Variants in RUNX3 observed in about 807,000 individuals in gnomAD.
The protein encoded by RUNX3 is RUNX family transcription factor 3, also known as runt-related transcription factor 3.
RUNX3 carries 10 observed loss-of-function variants against 27.7 expected under a neutral mutation model. That is an observed-to-expected ratio of 0.36 (90% CI 0.22 to 0.61). The LOEUF (loss-of-function observed/expected upper bound fraction) is 0.61. RUNX3 is among the 20% of genes least tolerant of loss of function. RUNX3 has a pLI of 0.72. For synonymous variants in RUNX3, 270 were observed against 269.2 expected, an observed-to-expected ratio of 1.00 and a Z score of -0.03; for missense variants, 469 against 629.5, an observed-to-expected ratio of 0.75 and a Z score of 2.73.
chr1:24,955,890 A>C (rs1257882481), intron 2 of RUNX3, among the ~76,000 whole-genome samples: 1 of 152,248 alleles, frequency 6.6e-6, no homozygotes, highest in Non-Finnish European at 1.5e-5. Flanking sequence ...GCTTGCATGC[A>C]GTAGATGCTC....
Position 24,900,086 on chromosome 1 carries a change from G to T in RUNX3, c.*2036C>A. The T allele has an allele frequency of 6.6e-6, 1 of 152,406 alleles. No homozygotes were observed. 9.4% of individuals were successfully genotyped at this position (152,406 alleles called of 1,614,324 possible). A position where few individuals can be genotyped will look rare whatever the true frequency, so the allele number is the denominator to read the frequency against. ...CCAAAGGTGCCTCCCACGCTGACCTGGGACCAGCTATAACCAGAGAACAGG... is the reference window on the plus strand; with the variant it reads ...CCAAAGGTGCCTCCCACGCTGACCTTGGACCAGCTATAACCAGAGAACAGG... On this transcript the variant is annotated 3_prime_UTR_variant, in exon 5 of 5. Transcript: ENST00000308873.
At chr1:24,936,406 A>T (rs183555687) in intron 2 of RUNX3, among the ~76,000 whole-genome samples, 33 of 152,096 alleles carry the variant, frequency 2.2e-4, no homozygotes, top group African/African-American at 7.7e-4. Context: ...ACTACACTCT[A>T]CTCTTGTGGA....
chr1:24,907,056 G>T (rs1446148177), intron 4 of RUNX3, among the ~76,000 whole-genome samples: 1 of 152,228 alleles, frequency 6.6e-6, no homozygotes, highest in Non-Finnish European at 1.5e-5. Context: ...GTCAGTGTTT[G>T]CTGAGTGAAC....
At position 24,926,002 on chromosome 1, in the gene RUNX3, G is replaced by A. The variant is rs181201406; in HGVS notation, c.439+1572C>T. ...GGTCTCGGTAACTCAGAAAATCGTC[G>A]TCTCTTCTCTTTCTCTCGCTTCCCA... On this transcript the variant is annotated intron_variant, in intron 2 of 4. Transcript: ENST00000308873. 4.8e-3 allele frequency among the ~76,000 whole-genome samples: 728 copies of A among 152,300 alleles called. 4 individuals are homozygous for A. Among genetic ancestry groups the A allele is most frequent in the Middle Eastern group, 0.024 (7 of 294 alleles).
rs1166458994 is a variant in RUNX3, at chr1:24,901,825, GGTCCTT to G, written c.*291_*296del. 1.2e-5 allele frequency: 5 copies of G among 422,994 alleles called. No individual in the cohort carries two copies. The highest frequency in any genetic ancestry group is 1.0e-4 in the African/African-American group (5 of 50,126). 26.2% of individuals were successfully genotyped at this position (422,994 alleles called of 1,614,324 possible). A position where few individuals can be genotyped will look rare whatever the true frequency, so the allele number is the denominator to read the frequency against. ...CACTGGGCATAGCTGGAGACAGTGA[GGTCCTT>G]CCGGGGGGGTGGCAGGAGGCTGATT... On this transcript the variant is annotated 3_prime_UTR_variant, in exon 5 of 5. Coordinates refer to ENST00000308873, the MANE Select transcript of RUNX3 (RefSeq NM_004350.3).
intron 2 of RUNX3, chr1:24,964,404 T>G: frequency 1.2e-6 from 1 of 850,756 alleles, no homozygotes; most frequent in Non-Finnish European, 1.9e-6. Flanking sequence ...GCCAGCGGAT[T>G]TAGGCGGACA....
chr1:24,931,850 T>G (rs928144585), upstream of RUNX3, among the ~76,000 whole-genome samples: 5 of 151,686 alleles, frequency 3.3e-5, no homozygotes, highest in African/African-American at 1.2e-4. Flanking sequence ...ACGGCAAAGG[T>G]CCCTTACTGA....
intron 3 of RUNX3, among the ~76,000 whole-genome samples, chr1:24,915,653 G>A (rs1390707925): frequency 1.3e-5 from 2 of 152,100 alleles, no homozygotes; most frequent in Non-Finnish European, 2.9e-5. Flanking sequence ...ATCTGGGGGT[G>A]TCCGGGGAGG....
chr1:24,918,799 T>C (rs1237544178), intron 3 of RUNX3, among the ~76,000 whole-genome samples: 1 of 152,094 alleles, frequency 6.6e-6, no homozygotes. Context: ...AAAGACTCAG[T>C]TTCCAAGGAA....
intron 2 of RUNX3, among the ~76,000 whole-genome samples, chr1:24,959,508 C>G (rs1345554948): frequency 6.6e-6 from 1 of 152,098 alleles, no homozygotes; most frequent in Non-Finnish European, 1.5e-5. Flanking sequence ...CCAGGGATGG[C>G]GGGGAGGGGG....
chr1:24,953,402 G>GAAAAAAAAAAAAAAAAAAAAAAAAA (rs553316885), intron 2 of RUNX3, among the ~76,000 whole-genome samples: 1 of 70,480 alleles, frequency 1.4e-5, no homozygotes, highest in Non-Finnish European at 2.9e-5. Context: ...AAAGAAAAAT[G>GAAAAAAAAAAAAAAAAAAAAAAAAA]AAAAAAAAAA....
intron 2 of RUNX3, among the ~76,000 whole-genome samples, chr1:24,935,795 T>G (rs1032106532): frequency 2.6e-5 from 4 of 152,246 alleles, no homozygotes; most frequent in African/African-American, 9.6e-5. Flanking sequence ...TTCCGCCAAT[T>G]GTCGCTCACC....
rs1452355148 is a variant in RUNX3, at chr1:24,901,834, G to GAA, written c.*287_*288insTT. 8.4e-4 allele frequency: 355 copies of GAA among 422,248 alleles called. 3 individuals carry two copies. Among genetic ancestry groups the GAA allele is most frequent in the African/African-American group, 6.9e-3 (334 of 48,072 alleles). The allele number at this position is 422,248 out of a possible 1,614,324, so 26.2% of individuals were successfully genotyped here. Reference sequence around the variant, plus strand: ...TAGCTGGAGACAGTGAGGTCCTTCCGGGGGGGTGGCAGGAGGCTGATTCCC... The same window carrying GAA: ...TAGCTGGAGACAGTGAGGTCCTTCCGAAGGGGGGTGGCAGGAGGCTGATTCCC... On this transcript the variant is annotated 3_prime_UTR_variant, in exon 5 of 5. Transcript: ENST00000308873.
intron 2 of RUNX3, among the ~76,000 whole-genome samples, chr1:24,946,257 T>C (rs566835632): frequency 2.0e-5 from 3 of 152,272 alleles, no homozygotes; most frequent in African/African-American, 7.2e-5. Context: ...AATAATAAAA[T>C]TATGAAGAAG....
intron 4 of RUNX3, among the ~76,000 whole-genome samples, chr1:24,906,296 C>T (rs1219047656): frequency 3.3e-5 from 5 of 152,200 alleles, no homozygotes; most frequent in African/African-American, 9.6e-5. Context: ...CTGTGTGACC[C>T]GAGGGTGGCT....
chr1:24,922,088 C>T (rs2124289846), intron 2 of RUNX3, among the ~76,000 whole-genome samples: 1 of 152,176 alleles, frequency 6.6e-6, no homozygotes, highest in South Asian at 2.1e-4. Context: ...GTAGCTGGGA[C>T]AACAGGTGAG....
In RUNX3 at chr1:24,902,822, T is replaced by TC. The variant is rs890288390; in HGVS notation, c.704-157dup. Among the ~76,000 whole-genome samples, 7 of 151,646 alleles carry TC rather than the reference T, an allele frequency of 4.6e-5. No homozygotes were observed. The highest frequency in any genetic ancestry group is 1.7e-4 in the African/African-American group (7 of 41,216). ...TTCCTGCCCTAGGCTGCCCGGGGCC[T>TC]CCCCCGCCAGGACTCCGAACACAGA... On this transcript the variant is annotated intron_variant, in intron 4 of 4. Coordinates refer to ENST00000308873, the MANE Select transcript of RUNX3 (RefSeq NM_004350.3). The surrounding 1 kb of genome is among the most constrained non-coding windows in gnomAD (Gnocchi z 9.2).
Position 24,929,872 on chromosome 1 carries a change from A to G in RUNX3, c.-4T>C. ...TTGGGTCTACGGGAATACGCATAAC[A>G]GCGGCCGTCAGGGCGCCGGGCAGGC... On this transcript the variant is annotated 5_prime_UTR_variant, in exon 1 of 5. Coordinates refer to ENST00000308873, the MANE Select transcript of RUNX3 (RefSeq NM_004350.3). 7.8e-7 allele frequency: 1 copy of G among 1,286,930 alleles called. No individual in the cohort carries two copies. Among genetic ancestry groups the G allele is most frequent in the Non-Finnish European group, 9.8e-7 (1 of 1,020,654 alleles). 79.7% of individuals were successfully genotyped at this position (1,286,930 alleles called of 1,614,324 possible).
intron 2 of RUNX3, among the ~76,000 whole-genome samples, chr1:24,953,402 G>GAAAAAAAAAAAAAAAAA (rs553316885): frequency 8.5e-5 from 6 of 70,438 alleles, no homozygotes; most frequent in South Asian, 4.6e-4. Context: ...AAAGAAAAAT[G>GAAAAAAAAAAAAAAAAA]AAAAAAAAAA....
Sources: gnomAD v4.1 joint callset for allele counts (sites outside exome capture counted in the v4.1 genomes callset) on GRCh38, gnomAD v4.1.1 for gene constraint, Gnocchi (gnomAD v3.1) non-coding constraint, MANE v1.5 for transcripts, NCBI Gene and HGNC (gene_info 2026-07-23, HGNC 2026-07-21) for gene names.